AKAP9: variants seen among roughly 807,000 people sequenced by gnomAD.
AKAP9 encodes A-kinase anchoring protein 9, also known as A-kinase anchor protein 9.
AKAP9 carries 311 observed loss-of-function variants against 488.5 expected under a neutral mutation model. The ratio of observed to expected loss-of-function variants is 0.64; its 90% confidence interval spans 0.58 to 0.70. The LOEUF (loss-of-function observed/expected upper bound fraction) is 0.70. Ranked by LOEUF, AKAP9 falls within the 30% of genes least tolerant of loss-of-function variation. The pLI, the probability that AKAP9 is intolerant of heterozygous loss-of-function variation, is 0.00. For missense variants in AKAP9, 4,215 were observed against 4,374.5 expected (o/e 0.96, Z 1.03); for synonymous variants, 1,462 against 1,483.5 (o/e 0.99, Z 0.33).
intron 28 of AKAP9, among the ~76,000 whole-genome samples, chr7:92,071,696 A>C (rs2130845637): frequency 6.6e-6 from 1 of 152,300 alleles, no homozygotes; most frequent in South Asian, 2.1e-4. Context: ...TAAAATGTTT[A>C]AAATTTTTAA....
chr7:92,050,064 T>C (rs905640181), intron 21 of AKAP9, among the ~76,000 whole-genome samples: 96 of 73,326 alleles, frequency 1.3e-3, no homozygotes, highest in African/African-American at 3.1e-3. Context: ...TTCAGCAAAC[T>C]TTTTTTTTTT....
In AKAP9 at chr7:92,070,075, A is replaced by G; in HGVS notation, c.6376A>G (p.Ser2126Gly). The change falls in exon 27 of 50, where the codon AGT becomes GGT. Residue 2126 changes from serine to glycine, a missense_variant. Ser to Gly is a moderately conservative substitution (Grantham distance 56). Transcript: ENST00000356239. The part of the protein sequence containing the change: ...NHLKEKTDKC[S>G]ELLLSKEQLQ... ...TCTGAAAGAAAAAACAGACAAATGC[A>G]GTGAGCTTTTGCTCTCTAAAGAGCA... The G allele has an allele frequency of 6.2e-7, 1 of 1,613,816 alleles. No individual in the cohort carries two copies. The highest frequency in any genetic ancestry group is 2.2e-5 in the East Asian group (1 of 44,870).
At chr7:92,008,719 G>T (rs1800280715) in intron 8 of AKAP9, among the ~76,000 whole-genome samples, 1 of 151,132 alleles carries the variant, frequency 6.6e-6, no homozygotes, top group Non-Finnish European at 1.5e-5. Flanking sequence ...AGGCGCGGTG[G>T]CTCACACCTG....
rs898565298 is a variant in AKAP9 at position 92,103,387 on chromosome 7, C to CAAAAA, written c.11330+583_11330+587dup. Among the ~76,000 whole-genome samples, 8 of 25,922 alleles carry CAAAAA rather than the reference C, an allele frequency of 3.1e-4. 1 individual carries two copies. The highest frequency in any genetic ancestry group is 1.6e-3 in the African/African-American group (8 of 5,108). The allele number at this position is 25,922 out of a possible 152,430, so 17.0% of individuals were successfully genotyped here. Reference sequence around the variant, plus strand: ...GCCATGTGACAGAGTGAGACTCTGTCAAAAAAAAAAAAAAAAAAAAAAAAA... The same window carrying CAAAAA: ...GCCATGTGACAGAGTGAGACTCTGTCAAAAAAAAAAAAAAAAAAAAAAAAAAAAAA... On this transcript the variant is annotated intron_variant, in intron 46 of 49. Coordinates refer to ENST00000356239, the MANE Select transcript of AKAP9 (RefSeq NM_005751.5).
At chr7:92,052,558 G>A (rs1472388670) in intron 21 of AKAP9, among the ~76,000 whole-genome samples, 168 bp from the exon 22 acceptor site, 1 of 151,906 alleles carries the variant, frequency 6.6e-6, no homozygotes, top group Non-Finnish European at 1.5e-5. Flanking sequence ...CTTGGTTATT[G>A]AATAATATTA....
chr7:92,076,527 T>A (rs570447876), intron 28 of AKAP9, among the ~76,000 whole-genome samples: 67 of 152,224 alleles, frequency 4.4e-4, no homozygotes, highest in Admixed American at 1.4e-3. Flanking sequence ...TAAACTAAGA[T>A]TTAATATGTG....
intron 16 of AKAP9, among the ~76,000 whole-genome samples, chr7:92,033,903 A>G (rs1287650818): frequency 6.6e-6 from 1 of 152,246 alleles, no homozygotes; most frequent in Admixed American, 6.5e-5. Context: ...CTGAAGTATA[A>G]CAGAGAATAA....
chr7:92,012,793 G>A, intron 9 of AKAP9, 151 bp downstream of exon 9: 1 of 637,870 alleles, frequency 1.6e-6, no homozygotes, highest in Non-Finnish European at 2.7e-6. Flanking sequence ...TCATTTAAGT[G>A]CTTGAGAAAG....
intron 46 of AKAP9, among the ~76,000 whole-genome samples, chr7:92,105,242 C>G (rs1181172773): frequency 6.6e-6 from 1 of 152,164 alleles, no homozygotes; most frequent in Non-Finnish European, 1.5e-5. Flanking sequence ...AAGAGCTTCA[C>G]CCACCTTGCA....
At chr7:92,020,771 A>G (rs1156399138) in intron 12 of AKAP9, among the ~76,000 whole-genome samples, 1 of 152,180 alleles carries the variant, frequency 6.6e-6, no homozygotes, top group African/African-American at 2.4e-5. Flanking sequence ...TTAATAATTT[A>G]CCTGATGATC....
At chr7:92,060,699 A>C (rs1029184584) in intron 22 of AKAP9, among the ~76,000 whole-genome samples, 1 of 152,206 alleles carries the variant, frequency 6.6e-6, no homozygotes, top group African/African-American at 2.4e-5. Context: ...GTGTTTCACA[A>C]ATGGACAGAA....
Position 91,967,888 on chromosome 7 carries a change from T to C in AKAP9, c.49-5823T>C, listed in dbSNP as rs540326878. Among the ~76,000 whole-genome samples, 3 of 152,262 alleles carry C rather than the reference T, an allele frequency of 2.0e-5. 1 individual carries two copies. The highest frequency in any genetic ancestry group is 7.2e-5 in the African/African-American group (3 of 41,556). ...AGTATAATTGTTATTCTTTAAATGT[T>C]TGGTAGAATTCAGAAGTGAAGCCAT... On this transcript the variant is annotated intron_variant, in intron 1 of 49. Coordinates refer to ENST00000356239, the MANE Select transcript of AKAP9 (RefSeq NM_005751.5).
chr7:92,071,838 G>T (rs1177620545), intron 28 of AKAP9, among the ~76,000 whole-genome samples: 2 of 152,144 alleles, frequency 1.3e-5, no homozygotes, highest in Non-Finnish European at 2.9e-5. Context: ...AAAACCTGTA[G>T]ATTAGAGGAG....
chr7:92,053,373 A>G (rs1302191028), intron 22 of AKAP9, among the ~76,000 whole-genome samples: 1 of 152,212 alleles, frequency 6.6e-6, no homozygotes, highest in Non-Finnish European at 1.5e-5. Flanking sequence ...GCAACATAGT[A>G]TTTGTCTTTT....
intron 39 of AKAP9, 29 bp from the exon 40 acceptor site, chr7:92,094,994 A>G (rs754609783): frequency 3.1e-6 from 5 of 1,610,970 alleles, no homozygotes; most frequent in Non-Finnish European, 1.7e-6. Context: ...ACATAGCTTT[A>G]TGGAAATTCA....
At chr7:92,090,308 T>C (rs928501169) in intron 38 of AKAP9, 11 of 152,302 alleles carry the variant, frequency 7.2e-5, no homozygotes, top group African/African-American at 2.2e-4. Context: ...AGTTCATTCA[T>C]TCTTGTTACT....
intron 16 of AKAP9, among the ~76,000 whole-genome samples, chr7:92,034,791 G>A (rs912765276): frequency 4.0e-5 from 6 of 151,730 alleles, no homozygotes; most frequent in Non-Finnish European, 7.4e-5. Context: ...TAGCCACCAT[G>A]CCCTGCCTGT....
chr7:92,102,601 A>G lies in AKAP9; in HGVS notation c.11105A>G (p.Tyr3702Cys), dbSNP rs769452265. 4 of 1,613,484 alleles carry G rather than the reference A, an allele frequency of 2.5e-6. No homozygotes were observed. Among genetic ancestry groups the G allele is most frequent in the Non-Finnish European group, 3.4e-6 (4 of 1,179,530 alleles). ...DSEHVTLKRI[Y>C]GKYLRAESFR... ...TCTCTTCCCTAAATATAGAGAATTTATGGTAAATACTTGAGGGCAGAAAGT... is the reference window on the plus strand; with the variant it reads ...TCTCTTCCCTAAATATAGAGAATTTGTGGTAAATACTTGAGGGCAGAAAGT... The change falls in exon 46 of 50, where the codon TAT (tyrosine) becomes TGT (cysteine). Residue 3702 changes from tyrosine (Y) to cysteine (C), a missense_variant. Around this residue, in one of 5 missense-constraint regions of AKAP9, gnomAD observed 253 missense variants for 266.8 expected, o/e 0.95. Coordinates refer to ENST00000356239, the MANE Select transcript of AKAP9 (RefSeq NM_005751.5).
At chr7:92,070,434 GTTTTGTTTT>G (rs1811523318) in intron 27 of AKAP9, among the ~76,000 whole-genome samples, 1 of 144,078 alleles carries the variant, frequency 6.9e-6, no homozygotes. Context: ...GTTTTGTTTT[GTTTTGTTTT>G]GTTTTTTGGA....
Sources: gnomAD v4.1 joint callset for allele counts (sites outside exome capture counted in the v4.1 genomes callset) on GRCh38, gnomAD v4.1.1 for gene constraint, gnomAD v4.1.1 regional missense constraint, MANE v1.5 for transcripts, NCBI Gene and HGNC (gene_info 2026-07-23, HGNC 2026-07-21) for gene names.